Variants in KDM3B observed in about 807,000 individuals in gnomAD.
KDM3B encodes lysine-specific demethylase 3B.
A neutral mutation model predicts 170.0 loss-of-function variants in KDM3B; 10 were observed. The observed-to-expected ratio is 0.06, with a 90% CI of 0.04 to 0.10. The LOEUF (loss-of-function observed/expected upper bound fraction) is 0.10, where lower values mean the gene tolerates loss of function less well. Among genes scored for constraint, KDM3B ranks in the 10% least tolerant of loss-of-function variants. The pLI is 1.00. For missense variants in KDM3B, 1,394 were observed against 2,195.2 expected (o/e 0.64, Z 7.29); for synonymous variants, 831 against 834.8 (o/e 1.00, Z 0.08).
intron 7 of KDM3B, among the ~76,000 whole-genome samples, chr5:138,390,088 A>C (rs1762390140): frequency 6.6e-6 from 1 of 151,932 alleles, no homozygotes; most frequent in Admixed American, 6.6e-5. Flanking sequence ...CTTGACCTCC[A>C]GACCTCGTGA....
At chr5:138,360,412 A>G (rs1761565927) in intron 1 of KDM3B, among the ~76,000 whole-genome samples, 1 of 152,096 alleles carries the variant, frequency 6.6e-6, no homozygotes, top group African/African-American at 2.4e-5. Context: ...AAGCACACTC[A>G]TCATCTTAAC....
intron 19 of KDM3B, 38 bp downstream of exon 19, chr5:138,427,357 T>A: frequency 6.3e-7 from 1 of 1,587,882 alleles, no homozygotes; most frequent in South Asian, 1.1e-5. Flanking sequence ...TTTGGGGGAC[T>A]GTTGTTCTTA....
chr5:138,355,652 G>T (rs1761430680), intron 1 of KDM3B, among the ~76,000 whole-genome samples: 1 of 152,134 alleles, frequency 6.6e-6, no homozygotes, highest in Non-Finnish European at 1.5e-5. Flanking sequence ...TTTATGGGTT[G>T]TATGCATTTA....
Position 138,352,695 on chromosome 5 carries a change from C to T in KDM3B, c.-101C>T. ...GGGGGGGGTGGGGGGGAACGGCGGC[C>T]GCGGGTGGTGCGGAGGGAGGCCTTG... On this transcript the variant is annotated 5_prime_UTR_variant, in exon 1 of 24. Transcript: ENST00000314358. The T allele has an allele frequency of 3.2e-6, 3 of 945,512 alleles. No homozygotes were observed. Among genetic ancestry groups the T allele is most frequent in the East Asian group, 4.6e-5 (1 of 21,632 alleles). The allele number at this position is 945,512 out of a possible 1,614,324, so 58.6% of individuals were successfully genotyped here.
chr5:138,415,505 A>T (rs1386672057), intron 12 of KDM3B, among the ~76,000 whole-genome samples: 2 of 152,038 alleles, frequency 1.3e-5, no homozygotes, highest in Non-Finnish European at 2.9e-5. Flanking sequence ...TGGTGTGGTC[A>T]TAGCTTACTG....
intron 7 of KDM3B, among the ~76,000 whole-genome samples, chr5:138,388,047 C>A (rs539035066): frequency 6.6e-6 from 1 of 152,010 alleles, no homozygotes; most frequent in Non-Finnish European, 1.5e-5. Flanking sequence ...TGCCACTGCA[C>A]TCCAGCCTGG....
intron 15 of KDM3B, among the ~76,000 whole-genome samples, chr5:138,421,178 T>G (rs1763264112): frequency 6.6e-6 from 1 of 152,232 alleles, no homozygotes; most frequent in Non-Finnish European, 1.5e-5. Flanking sequence ...AATGTTTCGG[T>G]CATCAGCAGA....
chr5:138,415,017 C>T, intron 11 of KDM3B, 115 bp from the exon 12 acceptor site: 1 of 544,864 alleles, frequency 1.8e-6, no homozygotes. Flanking sequence ...TTTAAGTTAG[C>T]TGTTATCTCC....
chr5:138,434,893 T>C (rs1763635327), intron 23 of KDM3B, among the ~76,000 whole-genome samples: 1 of 152,178 alleles, frequency 6.6e-6, no homozygotes, highest in Non-Finnish European at 1.5e-5. Context: ...ATGACCCAGC[T>C]TAAGAAATTA....
chr5:138,430,761 A>G (rs1763510742), intron 22 of KDM3B, among the ~76,000 whole-genome samples: 2 of 152,120 alleles, frequency 1.3e-5, no homozygotes, highest in Admixed American at 6.6e-5. Flanking sequence ...ATGGTGGCAC[A>G]TGCCTATAAT....
Position 138,428,067 on chromosome 5 carries a change from G to A in KDM3B, c.4734G>A (p.Gly1578=). 1 of 1,613,932 alleles carries A rather than the reference G, an allele frequency of 6.2e-7. No homozygotes were observed. The highest frequency in any genetic ancestry group is 8.5e-7 in the Non-Finnish European group (1 of 1,179,898). Residue 1578 remains glycine, a synonymous_variant, in exon 20 of 24, where the codon GGG becomes GGA. Transcript: ENST00000314358. ...NVMVYVGIPI[G]EGAHDEEVLK... ...TGGTGTATGTTGGGATTCCCATCGG[G>A]GAGGGTGCTCATGATGAAGGTATGC...
In KDM3B at chr5:138,352,893, C is replaced by T; in HGVS notation, c.98C>T (p.Ala33Val). 2.9e-6 allele frequency: 4 copies of T among 1,374,612 alleles called. No homozygotes were observed. The highest frequency in any genetic ancestry group is 3.2e-5 in the South Asian group (2 of 63,426). 85.2% of individuals were successfully genotyped at this position (1,374,612 alleles called of 1,614,324 possible). A position where few individuals can be genotyped will look rare whatever the true frequency, so the allele number is the denominator to read the frequency against. The change falls in exon 1 of 24, where the codon GCG becomes GTG. Residue 33 changes from alanine to valine, a missense_variant. By Grantham distance (64) the Ala-to-Val change is moderately conservative (BLOSUM62 0). Around this residue, in one of 19 missense-constraint regions of KDM3B, gnomAD observed 99 missense variants for 97.5 expected, o/e 1.02. Transcript: ENST00000314358. ...TCGGCCTCGGCTCCCGCGGCGGCAGCGGCGAGCGGAGATCCGGGGCCTGCG... is the reference window on the plus strand; with the variant it reads ...TCGGCCTCGGCTCCCGCGGCGGCAGTGGCGAGCGGAGATCCGGGGCCTGCG... ...SASASAPAAA[A>V]ASGDPGPALR...
intron 9 of KDM3B, 113 bp downstream of exon 9, chr5:138,393,485 A>G: frequency 1.2e-6 from 1 of 852,522 alleles, no homozygotes; most frequent in Non-Finnish European, 1.9e-6. Flanking sequence ...GCTTTCCTCA[A>G]CTCCTTTGCT....
At chr5:138,357,545 A>G (rs1181923513) in intron 1 of KDM3B, among the ~76,000 whole-genome samples, 2 of 149,192 alleles carry the variant, frequency 1.3e-5, no homozygotes, top group Non-Finnish European at 3.0e-5. Context: ...TGTATTTTGT[A>G]TAGAGATAGG....
chr5:138,374,402 G>A, intron 2 of KDM3B: 1 of 341,528 alleles, frequency 2.9e-6, no homozygotes, highest in Non-Finnish European at 5.9e-6. Context: ...GGGATTACAG[G>A]CGCCCACCAC....
chr5:138,384,902 A>G (rs934153648), intron 6 of KDM3B, among the ~76,000 whole-genome samples: 5 of 150,180 alleles, frequency 3.3e-5, no homozygotes, highest in African/African-American at 9.8e-5. Context: ...CAACAGAGCA[A>G]GACTCCATCT....
chr5:138,419,692 TATATATATACACACACAC>T (rs1763212861), intron 14 of KDM3B, among the ~76,000 whole-genome samples: 2 of 112,984 alleles, frequency 1.8e-5, no homozygotes, highest in African/African-American at 7.2e-5. Flanking sequence ...TATATATACA[TATATATATACACACACAC>T]ATATATATAC....
chr5:138,384,836 C>T (rs2126939990), intron 6 of KDM3B, among the ~76,000 whole-genome samples: 1 of 150,214 alleles, frequency 6.7e-6, no homozygotes, highest in East Asian at 2.0e-4. Flanking sequence ...GTCACTTGAA[C>T]CCGTTAGGTG....
At position 138,391,666 on chromosome 5, in the gene KDM3B, C is replaced by T. The variant is rs750218315; in HGVS notation, c.2034C>T (p.His678=). Residue 678 remains histidine, a synonymous_variant, in exon 8 of 24, where the codon CAC becomes CAT. Coordinates refer to ENST00000314358, the MANE Select transcript of KDM3B (RefSeq NM_016604.4). This position sits in a 1 kb window ranked among gnomAD's most constrained non-coding sequence, Gnocchi z 5.0. ...TGGCACCCAGCTGGCCCGAGTCTCACTCCTCTGCAGATTCGGCATCTTTAG... is the reference window on the plus strand; with the variant it reads ...TGGCACCCAGCTGGCCCGAGTCTCATTCCTCTGCAGATTCGGCATCTTTAG... ...SKVAPSWPES[H]SSADSASLAK... is the part of the protein sequence containing the mutation. The T allele has an allele frequency of 6.2e-7, 1 of 1,614,120 alleles. No individual in the cohort carries two copies. Among genetic ancestry groups the T allele is most frequent in the South Asian group, 1.1e-5 (1 of 91,074 alleles).
Sources: allele counts gnomAD v4.1 joint callset (sites outside exome capture counted in the v4.1 genomes callset), GRCh38; gene constraint gnomAD v4.1.1; regional missense constraint gnomAD v4.1.1; non-coding constraint Gnocchi (gnomAD v3.1); transcripts MANE v1.5; gene names NCBI Gene and HGNC (gene_info 2026-07-23, HGNC 2026-07-21).